Variants in CAPN10 observed in about 807,000 individuals in gnomAD.
CAPN10 encodes calpain 10.
A neutral mutation model predicts 78.4 loss-of-function variants in CAPN10; 71 were observed. The ratio of observed to expected loss-of-function variants is 0.91; its 90% CI spans 0.75 to 1.10. CAPN10 has a LOEUF of 1.10. Among genes scored for constraint, CAPN10 ranks in the 50% least tolerant of loss-of-function variants. The probability of loss-of-function intolerance (pLI) is 0.00; values close to 1 mark genes in which losing one functional copy is unlikely to be tolerated. For missense variants in CAPN10, 849 were observed against 924.6 expected, an observed-to-expected ratio of 0.92 and a Z score of 1.06; for synonymous variants, 437 against 407.2, an observed-to-expected ratio of 1.07 and a Z score of -0.88.
chr2:240,594,809 C>G (rs1168400351), intron 6 of CAPN10, 100 bp downstream of exon 6: 3 of 844,836 alleles, frequency 3.6e-6, no homozygotes, highest in Non-Finnish European at 4.7e-6. Flanking sequence ...CAGTTTGGTT[C>G]TCTTCAGCGT....
rs1182919854 is a variant in CAPN10 at position 240,586,955 on chromosome 2, G to A, written c.44G>A (p.Arg15Gln). The part of the protein sequence containing the change: ...RGATPARELF[R>Q]DAAFPAADSS... Reference sequence around the variant, plus strand: ...GCGACGCCGGCGAGGGAGCTGTTCCGGGACGCCGCCTTCCCCGCCGCGGAC... The same window carrying A: ...GCGACGCCGGCGAGGGAGCTGTTCCAGGACGCCGCCTTCCCCGCCGCGGAC... The change falls in exon 1 of 12, where the codon CGG becomes CAG. Residue 15 changes from arginine to glutamine, a missense_variant. By Grantham distance (43) the Arg-to-Gln change is conservative. Coordinates refer to ENST00000391984, the MANE Select transcript of CAPN10 (RefSeq NM_023083.4). 3.4e-6 allele frequency: 5 copies of A among 1,478,980 alleles called. No homozygotes were observed. Among genetic ancestry groups the A allele is most frequent in the Non-Finnish European group, 4.5e-6 (5 of 1,115,396 alleles). The allele number at this position is 1,478,980 out of a possible 1,614,324, so 91.6% of individuals were successfully genotyped here.
Position 240,598,018 on chromosome 2 carries a change from T to TTG in CAPN10, c.1877_1878dup (p.Pro627CysfsTer15). The TTG allele has an allele frequency of 6.2e-7, 1 of 1,613,160 alleles. No homozygotes were observed. On this transcript the variant is annotated frameshift_variant, in exon 10 of 12. Transcript: ENST00000391984. LOFTEE classifies it high-confidence loss of function. ...CTCCTGCCTGCGGGCACCTACAAGG[T>TTG]TGTGCCCTCCACCTACCTGCCGGAC...
Position 240,597,968 on chromosome 2 carries a change from C to A in CAPN10, c.1824C>A (p.Tyr608Ter), listed in dbSNP as rs200200867. Reference protein sequence around the residue: ...EPLLSCVPHRYAQEVSRLCLL... With the variant: ...EPLLSCVPHR ...TGCTGAGCTGCGTGCCACATCGCTA[C>A]GCCCAGGAGGTGAGCCGGCTCTGCC... Residue 608 changes from tyrosine (Y) to a stop codon, truncating the protein, a stop_gained, in exon 10 of 12, where the codon TAC becomes TAA. Coordinates refer to ENST00000391984, the MANE Select transcript of CAPN10 (RefSeq NM_023083.4). LOFTEE classifies it high-confidence loss of function. 6 of 1,612,920 alleles carry A rather than the reference C, an allele frequency of 3.7e-6. No homozygotes were observed. The highest frequency in any genetic ancestry group is 1.7e-6 in the Non-Finnish European group (2 of 1,179,946).
intron 7 of CAPN10, 43 bp downstream of exon 7, chr2:240,595,347 TGTGGAGGCCC>T: frequency 2.5e-6 from 4 of 1,595,634 alleles, no homozygotes; most frequent in Non-Finnish European, 3.4e-6. Context: ...CAGCAGGTGG[TGTGGAGGCCC>T]ATGGAGGTCT....
chr2:240,592,587 T>C (rs1259958590), intron 4 of CAPN10: 1 of 453,106 alleles, frequency 2.2e-6, no homozygotes, highest in Non-Finnish European at 4.6e-6. Context: ...GGTGGGAGTA[T>C]CGCTGGAGCC....
chr2:240,594,012 G>A lies in CAPN10; in HGVS notation c.795G>A (p.Trp265Ter). 1.2e-6 allele frequency: 2 copies of A among 1,610,326 alleles called. No homozygotes were observed. Among genetic ancestry groups the A allele is most frequent in the Non-Finnish European group, 1.7e-6 (2 of 1,177,760 alleles). The change falls in exon 5 of 12, where the codon TGG (tryptophan) becomes TGA (stop). Residue 265 changes from tryptophan to a stop codon, truncating the protein, a stop_gained. Coordinates refer to ENST00000391984, the MANE Select transcript of CAPN10 (RefSeq NM_023083.4). LOFTEE classifies it high-confidence loss of function. ...TGCTGCTGCGGATCCAGAACCCCTG[G>A]GGCCGGCGGTGCTGGCAGGGGCTCT... ...CILLLRIQNP[W>*]GRRCWQGLWR... is the part of the protein sequence containing the mutation.
chr2:240,594,913 G>C, intron 6 of CAPN10, 111 bp from the exon 7 acceptor site: 5 of 1,075,168 alleles, frequency 4.7e-6, no homozygotes, highest in Non-Finnish European at 6.4e-6. Context: ...GGCTGGCTCT[G>C]TCTGTGGCCG....
chr2:240,588,900 AG>A (rs1476473752), intron 1 of CAPN10, among the ~76,000 whole-genome samples: 2 of 151,664 alleles, frequency 1.3e-5, no homozygotes, highest in Non-Finnish European at 2.9e-5. Flanking sequence ...CGAAGCTCAG[AG>A]GGGTGGGCAA....
rs774043486 is a variant in CAPN10, at chr2:240,594,020, G to A, written c.803G>A (p.Arg268Gln). ...CGGATCCAGAACCCCTGGGGCCGGC[G>A]GTGCTGGCAGGGGCTCTGGAGAGAG... ...LLRIQNPWGRRCWQGLWREGG... is the reference protein window; with the variant it reads ...LLRIQNPWGRQCWQGLWREGG... The change falls in exon 5 of 12, where the codon CGG (arginine) becomes CAG (glutamine). Residue 268 changes from arginine to glutamine, a missense_variant. Transcript: ENST00000391984. 2.1e-5 allele frequency: 33 copies of A among 1,609,014 alleles called. No individual in the cohort carries two copies. Among genetic ancestry groups the A allele is most frequent in the Middle Eastern group, 1.7e-4 (1 of 6,026 alleles).
chr2:240,594,324 TC>T, intron 5 of CAPN10: 1 of 626,732 alleles, frequency 1.6e-6, no homozygotes, highest in South Asian at 2.0e-5. Flanking sequence ...GGCGTGAAGT[TC>T]CTCTGGGAAA....
chr2:240,594,625 G>A lies in CAPN10; in HGVS notation c.913G>A (p.Glu305Lys). Residue 305 changes from glutamate (E) to lysine (K), a missense_variant, in exon 6 of 12, where the codon GAG becomes AAG. Transcript: ENST00000391984. The part of the protein sequence containing the change: ...QLQEGEFWVE[E>K]EEFLREFDEL... ...CCAGGAAGGGGAGTTCTGGGTGGAG[G>A]AGGAGGAGTTCCTCAGGGAGTTTGA... is the stretch of plus-strand genomic sequence containing the variant. 1 of 1,614,040 alleles carries A rather than the reference G, an allele frequency of 6.2e-7. No homozygotes were observed. Among genetic ancestry groups the A allele is most frequent in the Non-Finnish European group, 8.5e-7 (1 of 1,180,002 alleles).
At chr2:240,594,078 T>G in intron 5 of CAPN10, 31 bp downstream of exon 5, 1 of 1,542,228 alleles carries the variant, frequency 6.5e-7, no homozygotes, top group African/African-American at 1.4e-5. Context: ...CATGCTGCTG[T>G]CGGGAGGGGG....
At chr2:240,596,123 G>A in intron 7 of CAPN10, 196 bp from the exon 8 acceptor site, 1 of 1,519,996 alleles carries the variant, frequency 6.6e-7, no homozygotes, top group Non-Finnish European at 8.8e-7. Context: ...GACAGATACT[G>A]GCGCCAGGGC....
In CAPN10 at chr2:240,596,428, C is replaced by A; in HGVS notation, c.1388C>A (p.Pro463Gln). The A allele has an allele frequency of 6.2e-7, 1 of 1,613,742 alleles. No homozygotes were observed. The highest frequency in any genetic ancestry group is 8.5e-7 in the Non-Finnish European group (1 of 1,179,966). Reference sequence around the variant, plus strand: ...GTCCACCTGCGTTGTGAGCTCTCACCGGGCTACTACCTGGCTGTCCCCAGC... The same window carrying A: ...GTCCACCTGCGTTGTGAGCTCTCACAGGGCTACTACCTGGCTGTCCCCAGC... ...REVHLRCELS[P>Q]GYYLAVPSTF... The change falls in exon 8 of 12, where the codon CCG (proline) becomes CAG (glutamine). Residue 463 changes from proline to glutamine, a missense_variant. By Grantham distance (76) the Pro-to-Gln change is moderately conservative (BLOSUM62 -1). Transcript: ENST00000391984.
At chr2:240,595,877 G>A (rs377060665) in intron 7 of CAPN10, 14 of 1,204,202 alleles carry the variant, frequency 1.2e-5, no homozygotes, top group African/African-American at 9.4e-5. Flanking sequence ...AGTGTGGGTC[G>A]AGGATATGCC....
In CAPN10 at chr2:240,594,031, G is replaced by A; in HGVS notation, c.814G>A (p.Gly272Arg). The A allele has an allele frequency of 8.7e-6, 14 of 1,603,746 alleles. No homozygotes were observed. The highest frequency in any genetic ancestry group is 1.2e-5 in the Non-Finnish European group (14 of 1,173,778). Residue 272 changes from glycine to arginine, a missense_variant, in exon 5 of 12, where the codon GGG becomes AGG. By Grantham distance (125) the Gly-to-Arg change is moderately radical. Transcript: ENST00000391984. ...CCCCTGGGGCCGGCGGTGCTGGCAG[G>A]GGCTCTGGAGAGAGGGGTGAGTGCT... ...QNPWGRRCWQ[G>R]LWREGGEGWS... is the part of the protein sequence containing the mutation.
Position 240,586,836 on chromosome 2 carries a change from G to A in CAPN10, c.-76G>A. The stretch of plus-strand genomic sequence containing the variant: ...ACGGGCGGGGCGGGCCGGAGGCGGC[G>A]GCGGCTGACTCGCCTTCTCTCCGGG... On this transcript the variant is annotated 5_prime_UTR_variant, in exon 1 of 12. Coordinates refer to ENST00000391984, the MANE Select transcript of CAPN10 (RefSeq NM_023083.4). 1.6e-6 allele frequency: 2 copies of A among 1,275,260 alleles called. No homozygotes were observed. Among genetic ancestry groups the A allele is most frequent in the Non-Finnish European group, 2.0e-6 (2 of 1,005,680 alleles). 79.0% of individuals were successfully genotyped at this position (1,275,260 alleles called of 1,614,324 possible). A position where few individuals can be genotyped will look rare whatever the true frequency, so the allele number is the denominator to read the frequency against.
chr2:240,594,411 G>A (rs2093122479), intron 5 of CAPN10, 132 bp from the exon 6 acceptor site: 7 of 887,298 alleles, frequency 7.9e-6, no homozygotes, highest in Non-Finnish European at 1.0e-5. Flanking sequence ...AGGGGCTGCA[G>A]AGCTGGGGCA....
At position 240,598,529 on chromosome 2, in the gene CAPN10, C is replaced by T. The variant is rs560236147; in HGVS notation, c.1990-122C>T. The T allele has an allele frequency of 7.6e-5, 109 of 1,434,606 alleles. 1 individual carries two copies. The South Asian group carries it at 8.6e-4, about 11-fold the overall frequency. 88.9% of individuals were successfully genotyped at this position (1,434,606 alleles called of 1,614,324 possible). A position where few individuals can be genotyped will look rare whatever the true frequency, so the allele number is the denominator to read the frequency against. ...CCCTTGACTCTTCCTGTGAGAGCCC[C>T]GGGCGGTGCCTTGAAGGGCAGGGGG... On this transcript the variant is annotated intron_variant, in intron 11 of 11. Coordinates refer to ENST00000391984, the MANE Select transcript of CAPN10 (RefSeq NM_023083.4).
Sources: allele counts gnomAD v4.1 joint callset (sites outside exome capture counted in the v4.1 genomes callset), GRCh38; gene constraint gnomAD v4.1.1; transcripts MANE v1.5; gene names NCBI Gene and HGNC (gene_info 2026-07-23, HGNC 2026-07-21).